Variants in ADNP2 observed in about 807,000 individuals in gnomAD.
The protein encoded by ADNP2 is activity-dependent neuroprotector homeobox protein 2.
ADNP2 carries 8 observed loss-of-function variants against 16.4 expected under a neutral mutation model. The ratio of observed to expected loss-of-function variants is 0.49; its 90% CI spans 0.29 to 0.88. ADNP2 has a LOEUF of 0.88. Among genes scored for constraint, ADNP2 ranks in the 40% least tolerant of loss-of-function variants. ADNP2 has a pLI of 0.09. For synonymous variants in ADNP2, 637 were observed against 545.8 expected (o/e 1.17, Z -2.33); for missense variants, 1,397 against 1,395.1 (o/e 1.00, Z -0.02).
intron 3 of ADNP2, among the ~76,000 whole-genome samples, chr18:80,134,386 AGTGTGTGTGTGTGTGT>A: frequency 6.8e-6 from 1 of 146,318 alleles, no homozygotes; most frequent in African/African-American, 2.5e-5. Context: ...AGAATGGAAG[AGTGTGTGTGTGTGTGT>A]GTGTGTGTGT....
rs751081102 is a variant in ADNP2, at chr18:80,138,410, C to T, written c.2997C>T (p.Ile999=). 6.2e-7 allele frequency: 1 copy of T among 1,614,040 alleles called. No homozygotes were observed. The highest frequency in any genetic ancestry group is 8.5e-7 in the Non-Finnish European group (1 of 1,180,028). The part of the protein sequence containing the change: ...DQRHGEEQPP[I]LNADAAPGPE... ...GGCATGGGGAGGAGCAGCCTCCCAT[C>T]CTAAATGCCGATGCAGCCCCGGGTC... is the stretch of plus-strand genomic sequence containing the variant. The change falls in exon 4 of 4, where the codon ATC becomes ATT. Residue 999 remains isoleucine (I), a synonymous_variant. Transcript: ENST00000262198.
chr18:80,127,360 T>A (rs971180830), intron 2 of ADNP2, among the ~76,000 whole-genome samples: 2 of 148,992 alleles, frequency 1.3e-5, no homozygotes, highest in Admixed American at 1.3e-4. Context: ...TTTTTTTTTT[T>A]AACCATTCCC....
At chr18:80,128,711 T>C in intron 2 of ADNP2, among the ~76,000 whole-genome samples, 1 of 152,282 alleles carries the variant, frequency 6.6e-6, no homozygotes, top group South Asian at 2.1e-4. Context: ...TTTTTCTTGT[T>C]AGTTCTGAAT....
At chr18:80,115,644 T>G (rs530658032) in intron 1 of ADNP2, among the ~76,000 whole-genome samples, 2 of 152,330 alleles carry the variant, frequency 1.3e-5, no homozygotes, top group South Asian at 4.1e-4. Flanking sequence ...ACCATACAAT[T>G]CACCAGTTTG....
At chr18:80,117,267 A>G (rs1389786143) in intron 1 of ADNP2, among the ~76,000 whole-genome samples, 1 of 152,094 alleles carries the variant, frequency 6.6e-6, no homozygotes, top group African/African-American at 2.4e-5. Flanking sequence ...AAGGTCATCA[A>G]TGTTTATGCT....
chr18:80,123,053 G>A (rs2052435074), intron 2 of ADNP2, among the ~76,000 whole-genome samples: 1 of 151,492 alleles, frequency 6.6e-6, no homozygotes, highest in Non-Finnish European at 1.5e-5. Context: ...TCCCTTCTTT[G>A]TGCCAATTGT....
chr18:80,109,726 A>G (rs986651993), intron 1 of ADNP2: 2 of 148,350 alleles, frequency 1.3e-5, no homozygotes, highest in African/African-American at 5.0e-5. Context: ...GCCGCCGGTC[A>G]CGTGGGAGCG....
Position 80,137,476 on chromosome 18 carries a change from A to C in ADNP2, c.2063A>C (p.Lys688Thr), listed in dbSNP as rs942590352. The C allele has an allele frequency of 1.2e-6, 2 of 1,614,216 alleles. No homozygotes were observed. The highest frequency in any genetic ancestry group is 8.5e-7 in the Non-Finnish European group (1 of 1,180,050). The change falls in exon 4 of 4, where the codon AAA becomes ACA. Residue 688 changes from lysine (K) to threonine (T), a missense_variant. Coordinates refer to ENST00000262198, the MANE Select transcript of ADNP2 (RefSeq NM_014913.4). The surrounding 1 kb of genome is among the most constrained non-coding windows in gnomAD (Gnocchi z 4.2). ...GCAGCAGACACAAACCAGGTGCTCAAACAGGCCAAGCAGTGGAAGACCTGC... is the reference window on the plus strand; with the variant it reads ...GCAGCAGACACAAACCAGGTGCTCACACAGGCCAAGCAGTGGAAGACCTGC... ...SSAADTNQVL[K>T]QAKQWKTCPV...
Position 80,136,365 on chromosome 18 carries a change from A to G in ADNP2, c.952A>G (p.Ser318Gly), listed in dbSNP as rs1415982788. 8.7e-6 allele frequency: 14 copies of G among 1,614,096 alleles called. No homozygotes were observed. The highest frequency in any genetic ancestry group is 1.1e-5 in the Non-Finnish European group (13 of 1,180,036). The change falls in exon 4 of 4, where the codon AGC becomes GGC. Residue 318 changes from serine (S) to glycine (G), a missense_variant. Physicochemically the swap from Ser to Gly is moderately conservative, Grantham distance 56 (BLOSUM62 0). Transcript: ENST00000262198. The part of the protein sequence containing the change: ...PVTVAQGAPG[S>G]LTHSPPAAGQ... ...GACTGTGGCCCAGGGTGCCCCTGGA[A>G]GCCTCACTCATTCCCCCCCTGCTGC...
intron 2 of ADNP2, among the ~76,000 whole-genome samples, chr18:80,128,748 A>G (rs982966735): frequency 6.6e-6 from 1 of 152,230 alleles, no homozygotes; most frequent in Non-Finnish European, 1.5e-5. Context: ...ATACTAGCGT[A>G]GAGTTAAAGG....
intron 2 of ADNP2, 133 bp from the exon 3 acceptor site, chr18:80,132,970 C>T: frequency 2.9e-6 from 2 of 683,792 alleles, no homozygotes; most frequent in Non-Finnish European, 5.0e-6. Context: ...ATCCACCCTC[C>T]TCAACCTCCC....
intron 3 of ADNP2, among the ~76,000 whole-genome samples, chr18:80,134,508 T>A (rs991215099): frequency 2.6e-5 from 4 of 151,938 alleles, no homozygotes; most frequent in Non-Finnish European, 5.9e-5. Flanking sequence ...GCTCTGGGGC[T>A]TTAGATGAAG....
intron 1 of ADNP2, among the ~76,000 whole-genome samples, chr18:80,114,104 G>T (rs1568407557): frequency 6.6e-6 from 1 of 150,906 alleles, no homozygotes; most frequent in Admixed American, 6.6e-5. Context: ...GAGGCAGGAG[G>T]ATTGCTTGAG....
rs1273088457 is a variant in ADNP2 at position 80,133,089 on chromosome 18, TCC to T, written c.109-12_109-11del. On this transcript the variant is annotated splice_polypyrimidine_tract_variant and intron_variant, in intron 2 of 3. Transcript: ENST00000262198. Reference sequence around the variant, plus strand: ...GAATTTACATAATCTCTTTTTTTTCTCCCTTTTTAAAAGGACCTTAAAGGCTT... The same window carrying T: ...GAATTTACATAATCTCTTTTTTTTCTCTTTTTAAAAGGACCTTAAAGGCTT... The T allele has an allele frequency of 6.5e-7, 1 of 1,529,724 alleles. No individual in the cohort carries two copies. The highest frequency in any genetic ancestry group is 1.2e-5 in the South Asian group (1 of 85,138). 94.8% of individuals were successfully genotyped at this position (1,529,724 alleles called of 1,614,324 possible). A position where few individuals can be genotyped will look rare whatever the true frequency, so the allele number is the denominator to read the frequency against.
rs1339705891 is a variant in ADNP2 at position 80,140,053 on chromosome 18, A to G, written c.*1244A>G. 6.6e-6 allele frequency: 1 copy of G among 152,214 alleles called. No homozygotes were observed. Among genetic ancestry groups the G allele is most frequent in the Non-Finnish European group, 1.5e-5 (1 of 68,040 alleles). The allele number at this position is 152,214 out of a possible 1,614,324, so 9.4% of individuals were successfully genotyped here. A position where few individuals can be genotyped will look rare whatever the true frequency, so the allele number is the denominator to read the frequency against. ...TGGAGACCAGCCAGTTTAGATGGTAAGTCATATTTCTGGTGGTACACAGCA... is the reference window on the plus strand; with the variant it reads ...TGGAGACCAGCCAGTTTAGATGGTAGGTCATATTTCTGGTGGTACACAGCA... On this transcript the variant is annotated 3_prime_UTR_variant, in exon 4 of 4. Transcript: ENST00000262198.
Position 80,139,133 on chromosome 18 carries a change from C to T in ADNP2, c.*324C>T. 1 of 208,204 alleles carries T rather than the reference C, an allele frequency of 4.8e-6. No individual in the cohort carries two copies. Among genetic ancestry groups the T allele is most frequent in the Non-Finnish European group, 9.5e-6 (1 of 105,446 alleles). The allele number at this position is 208,204 out of a possible 1,614,324, so 12.9% of individuals were successfully genotyped here. A position where few individuals can be genotyped will look rare whatever the true frequency, so the allele number is the denominator to read the frequency against. On this transcript the variant is annotated 3_prime_UTR_variant, in exon 4 of 4. Coordinates refer to ENST00000262198, the MANE Select transcript of ADNP2 (RefSeq NM_014913.4). Reference sequence around the variant, plus strand: ...GTATCGTATGATAAGAAACTGAAATCTATAAATAATTTGCTTTTTCATTAA... The same window carrying T: ...GTATCGTATGATAAGAAACTGAAATTTATAAATAATTTGCTTTTTCATTAA...
chr18:80,131,183 G>T (rs1325543626), intron 2 of ADNP2, among the ~76,000 whole-genome samples: 2 of 152,086 alleles, frequency 1.3e-5, no homozygotes. Flanking sequence ...CTCGGCTCAT[G>T]CATTTCTGGC....
rs869060499 is a variant in ADNP2 at position 80,123,358 on chromosome 18, C to CT, written c.108+5717dup. Among the ~76,000 whole-genome samples the CT allele has an allele frequency of 9.9e-5, 15 of 151,332 alleles. No homozygotes were observed. The South Asian group carries it at 1.3e-3, about 13-fold the overall frequency. On this transcript the variant is annotated intron_variant, in intron 2 of 3. Transcript: ENST00000262198. ...AATGAGTTAGAAGTTGTTCCCTCCT[C>CT]TTTTTTTTTGTTTTTTGTTTTTTGT...
chr18:80,132,350 G>GTT (rs1169372639), intron 2 of ADNP2, among the ~76,000 whole-genome samples: 2 of 152,160 alleles, frequency 1.3e-5, no homozygotes, highest in Non-Finnish European at 2.9e-5. Context: ...GTACAGACTT[G>GTT]TTTTCTTGTC....
Sources: allele counts gnomAD v4.1 joint callset (sites outside exome capture counted in the v4.1 genomes callset), GRCh38; gene constraint gnomAD v4.1.1; non-coding constraint Gnocchi (gnomAD v3.1); transcripts MANE v1.5; gene names NCBI Gene and HGNC (gene_info 2026-07-23, HGNC 2026-07-21).